The following SNTG1 variants were observed in gnomAD, a reference collection of about 807,000 sequenced individuals.
The protein encoded by SNTG1 is syntrophin gamma 1.
SNTG1 carries 39 observed loss-of-function variants against 74.7 expected under a neutral mutation model. The observed-to-expected ratio is 0.52, with a 90% CI of 0.40 to 0.68. The LOEUF (loss-of-function observed/expected upper bound fraction) is 0.68. Ranked by LOEUF, SNTG1 falls within the 30% of genes least tolerant of loss-of-function variation. The probability of loss-of-function intolerance (pLI) is 0.00; values close to 1 mark genes in which losing one functional copy is unlikely to be tolerated. For missense variants in SNTG1, 685 were observed against 609.5 expected (o/e 1.12, Z -1.30); for synonymous variants, 254 against 217.1 (o/e 1.17, Z -1.49).
At chr8:50,473,043 G>A (rs562743161) in intron 8 of SNTG1, among the ~76,000 whole-genome samples, 1 of 152,222 alleles carries the variant, frequency 6.6e-6, no homozygotes, top group African/African-American at 2.4e-5. Context: ...ACAAGCGTTG[G>A]CAAGTGATAT....
chr8:50,553,366 A>G (rs1261694255), intron 12 of SNTG1, among the ~76,000 whole-genome samples, 187 bp downstream of exon 12: 2 of 152,180 alleles, frequency 1.3e-5, no homozygotes, highest in East Asian at 3.8e-4. Context: ...TCAATAATAC[A>G]CATAGATTTC....
At chr8:50,433,161 C>T (rs1380354390) in intron 4 of SNTG1, among the ~76,000 whole-genome samples, 19 of 152,154 alleles carry the variant, frequency 1.2e-4, no homozygotes, top group Admixed American at 1.2e-3. Flanking sequence ...TCCAATTTCT[C>T]ATTGCTGATA....
At chr8:50,569,518 A>C (rs2094534978) in intron 12 of SNTG1, among the ~76,000 whole-genome samples, 1 of 151,734 alleles carries the variant, frequency 6.6e-6, no homozygotes. Flanking sequence ...AAGCAAAAAA[A>C]AAATCAAAAA....
At chr8:50,362,017 C>T (rs1306513514) in intron 2 of SNTG1, among the ~76,000 whole-genome samples, 1 of 152,158 alleles carries the variant, frequency 6.6e-6, no homozygotes, top group Non-Finnish European at 1.5e-5. Context: ...AGTGAGTGAA[C>T]ATCTCTATGT....
intron 4 of SNTG1, among the ~76,000 whole-genome samples, chr8:50,425,215 T>G (rs537706592): frequency 6.8e-6 from 1 of 146,944 alleles, no homozygotes; most frequent in African/African-American, 2.5e-5. Context: ...AATATTAGAC[T>G]TTTAACACAG....
chr8:50,373,074 G>A (rs2092305078), intron 2 of SNTG1, among the ~76,000 whole-genome samples: 2 of 152,174 alleles, frequency 1.3e-5, no homozygotes, highest in South Asian at 4.1e-4. Context: ...ATTATCTACA[G>A]AGAACAGAGG....
At chr8:50,292,510 G>A (rs1384327693) in intron 2 of SNTG1, among the ~76,000 whole-genome samples, 1 of 152,144 alleles carries the variant, frequency 6.6e-6, no homozygotes, top group Non-Finnish European at 1.5e-5. Flanking sequence ...GAAAGGAAAA[G>A]AGGAGAGGCA....
chr8:50,021,175 T>C (rs1585926483), intron 1 of SNTG1, among the ~76,000 whole-genome samples: 1 of 152,194 alleles, frequency 6.6e-6, no homozygotes, highest in South Asian at 2.1e-4. Context: ...AAACTGGCTC[T>C]GGCAAATTTC....
chr8:50,287,638 C>T (rs1391348320), intron 2 of SNTG1, among the ~76,000 whole-genome samples: 4 of 152,092 alleles, frequency 2.6e-5, no homozygotes, highest in African/African-American at 9.7e-5. Context: ...GGAGCTCTTC[C>T]TCTTATACCC....
intron 5 of SNTG1, among the ~76,000 whole-genome samples, chr8:50,449,153 C>T (rs898724954): frequency 1.5e-4 from 23 of 152,240 alleles, no homozygotes; most frequent in Middle Eastern, 3.4e-3. Context: ...AGGAGGAATT[C>T]AATACTAAGG....
chr8:50,592,621 C>CTATATT (rs200678692), intron 13 of SNTG1, among the ~76,000 whole-genome samples: 6,814 of 152,196 alleles, frequency 0.045, 269 homozygotes, highest in African/African-American at 0.1. Flanking sequence ...TATTCTAACA[C>CTATATT]TATAATATTC....
intron 13 of SNTG1, among the ~76,000 whole-genome samples, chr8:50,633,340 C>A (rs909279004): frequency 1.8e-4 from 28 of 152,158 alleles, no homozygotes; most frequent in African/African-American, 6.8e-4. Flanking sequence ...AGATTTATCT[C>A]TTTTCAGACA....
intron 1 of SNTG1, among the ~76,000 whole-genome samples, chr8:50,055,167 G>A (rs1025005209): frequency 7.2e-5 from 11 of 151,986 alleles, no homozygotes; most frequent in African/African-American, 1.7e-4. Context: ...CTGAATGTTC[G>A]GAACTCACTA....
chr8:50,698,311 A>G (rs1434053221), intron 15 of SNTG1, among the ~76,000 whole-genome samples: 2 of 151,952 alleles, frequency 1.3e-5, no homozygotes, highest in African/African-American at 2.4e-5. Context: ...TCATGCCCCC[A>G]TTTTTGGTGG....
At chr8:50,591,713 C>G (rs2094692954) in intron 13 of SNTG1, among the ~76,000 whole-genome samples, 1 of 152,148 alleles carries the variant, frequency 6.6e-6, no homozygotes, top group South Asian at 2.1e-4. Flanking sequence ...GCTGCTAGCC[C>G]AAATCAGCCT....
chr8:50,319,750 A>G (rs539403419), intron 2 of SNTG1, among the ~76,000 whole-genome samples: 1 of 152,246 alleles, frequency 6.6e-6, no homozygotes, highest in East Asian at 1.9e-4. Flanking sequence ...GTTGAATTTT[A>G]TCAAATGCTT....
rs781733534 is a variant in SNTG1, at chr8:50,104,497, C to G, written c.-102-68064C>G. 6.2e-4 allele frequency among the ~76,000 whole-genome samples: 94 copies of G among 151,962 alleles called. 1 individual carries two copies. Among genetic ancestry groups the G allele is most frequent in the Non-Finnish European group, 1.1e-3 (77 of 67,994 alleles). On this transcript the variant is annotated intron_variant, in intron 1 of 18. Coordinates refer to ENST00000642720, the MANE Select transcript of SNTG1 (RefSeq NM_018967.5). ...CTAGCGGTCTATCAATTTTGTTGAT[C>G]CTTTCAAAAAACCAGCTCCTGGATT...
At chr8:50,246,943 G>T (rs1274670453) in intron 2 of SNTG1, among the ~76,000 whole-genome samples, 3 of 152,132 alleles carry the variant, frequency 2.0e-5, no homozygotes, top group African/African-American at 7.2e-5. Flanking sequence ...AATGCTTCAG[G>T]ATCTTGAACT....
intron 5 of SNTG1, among the ~76,000 whole-genome samples, chr8:50,446,349 C>T (rs1039317173): frequency 1.2e-4 from 18 of 146,264 alleles, no homozygotes; most frequent in African/African-American, 4.6e-4. Context: ...TTAAAAAGTA[C>T]ATCAGAGCTC....
Sources: gnomAD v4.1 joint callset for allele counts (sites outside exome capture counted in the v4.1 genomes callset) on GRCh38, gnomAD v4.1.1 for gene constraint, MANE v1.5 for transcripts, NCBI Gene and HGNC (gene_info 2026-07-23, HGNC 2026-07-21) for gene names.